The following HDDC2 variants were observed in gnomAD, a reference collection of about 807,000 sequenced individuals.
HDDC2 encodes the protein 5'-deoxynucleotidase HDDC2.
HDDC2 carries 25 observed loss-of-function variants against 25.5 expected under a neutral mutation model. The ratio of observed to expected loss-of-function variants is 0.98; its 90% CI spans 0.72 to 1.37. The LOEUF (loss-of-function observed/expected upper bound fraction) is 1.37, where lower values mean the gene tolerates loss of function less well. Among genes scored for constraint, HDDC2 ranks in the 40% most tolerant of loss-of-function variants. The probability of loss-of-function intolerance (pLI) is 0.00; values close to 1 mark genes in which losing one functional copy is unlikely to be tolerated. For missense variants in HDDC2, 264 were observed against 253.1 expected (o/e 1.04, Z -0.29); for synonymous variants, 106 against 89.7 (o/e 1.18, Z -1.03).
chr6:125,292,368 T>C (rs1161013698), intron 4 of HDDC2, among the ~76,000 whole-genome samples: 1 of 152,034 alleles, frequency 6.6e-6, no homozygotes, highest in Non-Finnish European at 1.5e-5. Flanking sequence ...TGAGCACTGG[T>C]AGAGCCCTGT....
intron 4 of HDDC2, among the ~76,000 whole-genome samples, chr6:125,289,510 C>CAAAAAAAAAAAAAAA (rs1325871427): frequency 7.7e-6 from 1 of 129,372 alleles, no homozygotes; most frequent in African/African-American, 3.4e-5. Flanking sequence ...AAAAACAAAA[C>CAAAAAAAAAAAAAAA]AAAACAAAAA....
chr6:125,292,770 C>A lies in HDDC2; in HGVS notation c.378+71G>T. 3.5e-6 allele frequency: 4 copies of A among 1,157,098 alleles called. No homozygotes were observed. The East Asian group carries it at 7.0e-5, about 20-fold the overall frequency. 71.7% of individuals were successfully genotyped at this position (1,157,098 alleles called of 1,614,324 possible). ...GACCGCTTGTTAAGATCATCTAAGT[C>A]AAGTACAACATCAGGGAGCCATATA... On this transcript the variant is annotated intron_variant, in intron 4 of 5. Transcript: ENST00000398153.
intron 3 of HDDC2, among the ~76,000 whole-genome samples, chr6:125,293,989 C>T (rs938432835): frequency 6.6e-6 from 1 of 152,148 alleles, no homozygotes; most frequent in Non-Finnish European, 1.5e-5. Context: ...TCTCAAAGAT[C>T]CCAGGAGCTA....
rs1314393753 is a variant in HDDC2 at position 125,301,721 on chromosome 6, C to T, written c.84+128G>A. Reference sequence around the variant, plus strand: ...CGCATCCGCAGGACTGGGGCCTTTCCGGAATTCGGCGTGGCGGACGCGGCG... The same window carrying T: ...CGCATCCGCAGGACTGGGGCCTTTCTGGAATTCGGCGTGGCGGACGCGGCG... On this transcript the variant is annotated intron_variant, in intron 1 of 5. Coordinates refer to ENST00000398153, the MANE Select transcript of HDDC2 (RefSeq NM_016063.3). 16 of 655,956 alleles carry T rather than the reference C, an allele frequency of 2.4e-5. No individual in the cohort carries two copies. The South Asian group carries it at 3.1e-4, about 13-fold the overall frequency. The allele number at this position is 655,956 out of a possible 1,614,324, so 40.6% of individuals were successfully genotyped here.
At chr6:125,299,749 G>A (rs1372706191) in intron 2 of HDDC2, among the ~76,000 whole-genome samples, 1 of 152,160 alleles carries the variant, frequency 6.6e-6, no homozygotes, top group African/African-American at 2.4e-5. Flanking sequence ...GGACTCCTCA[G>A]GCTTCCCAAA....
At position 125,275,957 on chromosome 6, in the gene HDDC2, C is replaced by T. The variant is rs73772417; in HGVS notation, c.*189G>A. ...CTCCAGTGTTCATCCATGGCACTTTCATGACCGCTTCCTGTTCTGTGGCTT... is the reference window on the plus strand; with the variant it reads ...CTCCAGTGTTCATCCATGGCACTTTTATGACCGCTTCCTGTTCTGTGGCTT... On this transcript the variant is annotated 3_prime_UTR_variant, in exon 6 of 6. Coordinates refer to ENST00000398153, the MANE Select transcript of HDDC2 (RefSeq NM_016063.3). 3,965 of 581,594 alleles carry T rather than the reference C, an allele frequency of 6.8e-3. 116 individuals are homozygous for T. The highest frequency in any genetic ancestry group is 0.067 in the African/African-American group (3,552 of 53,188). The allele number at this position is 581,594 out of a possible 1,614,324, so 36.0% of individuals were successfully genotyped here.
chr6:125,294,859 C>G (rs1329533686), intron 3 of HDDC2, among the ~76,000 whole-genome samples: 1 of 152,184 alleles, frequency 6.6e-6, no homozygotes, highest in Non-Finnish European at 1.5e-5. Flanking sequence ...CATCCAATTA[C>G]TAAGTTATTA....
rs764993685 is a variant in HDDC2, at chr6:125,276,170, T to G, written c.591A>C (p.Ala197=). 2 of 1,613,642 alleles carry G rather than the reference T, an allele frequency of 1.2e-6. No homozygotes were observed. Among genetic ancestry groups the G allele is most frequent in the African/African-American group, 2.7e-5 (2 of 74,912 alleles). Reference sequence around the variant, plus strand: ...CTCAGGAGTGTGGCTCACTGGCAGCTGCAGCTATGTTAGTGCTTCTTTCTG... The same window carrying G: ...CTCAGGAGTGTGGCTCACTGGCAGCGGCAGCTATGTTAGTGCTTCTTTCTG... ...LEAERSTNIA[A]AASEPHS Residue 197 remains alanine, a synonymous_variant, in exon 6 of 6, where the codon GCA becomes GCC. Coordinates refer to ENST00000398153, the MANE Select transcript of HDDC2 (RefSeq NM_016063.3).
chr6:125,280,936 G>A (rs1359911745), intron 4 of HDDC2, among the ~76,000 whole-genome samples: 3 of 152,244 alleles, frequency 2.0e-5, no homozygotes, highest in Non-Finnish European at 2.9e-5. Flanking sequence ...GGGGTCGACA[G>A]ACATCTCATA....
At chr6:125,298,452 A>G (rs936034517) in intron 3 of HDDC2, among the ~76,000 whole-genome samples, 1 of 152,172 alleles carries the variant, frequency 6.6e-6, no homozygotes, top group Non-Finnish European at 1.5e-5. Flanking sequence ...ACCTTCCTTC[A>G]CATGTTTACC....
At chr6:125,280,047 T>A (rs1798433819) in intron 4 of HDDC2, among the ~76,000 whole-genome samples, 1 of 152,168 alleles carries the variant, frequency 6.6e-6, no homozygotes, top group African/African-American at 2.4e-5. Context: ...ATCCGGTTCA[T>A]CTCACTGGGA....
intron 2 of HDDC2, among the ~76,000 whole-genome samples, chr6:125,299,127 G>A (rs1310847265): frequency 6.6e-6 from 1 of 152,194 alleles, no homozygotes; most frequent in African/African-American, 2.4e-5. Flanking sequence ...GCTCACGCCT[G>A]TCATACCAGC....
chr6:125,281,902 A>G (rs1037637654), intron 4 of HDDC2, among the ~76,000 whole-genome samples: 2 of 152,194 alleles, frequency 1.3e-5, no homozygotes, highest in African/African-American at 4.8e-5. Flanking sequence ...TAATCAGCAG[A>G]TTCACCAAGG....
At chr6:125,281,388 G>A (rs1427922920) in intron 4 of HDDC2, among the ~76,000 whole-genome samples, 2 of 152,156 alleles carry the variant, frequency 1.3e-5, no homozygotes, top group Non-Finnish European at 1.5e-5. Flanking sequence ...GGATTCAGAA[G>A]GTGGGTAACA....
At chr6:125,297,848 TG>T (rs1798727662) in intron 3 of HDDC2, among the ~76,000 whole-genome samples, 1 of 152,240 alleles carries the variant, frequency 6.6e-6, no homozygotes, top group Non-Finnish European at 1.5e-5. Context: ...CCCTGGGCTT[TG>T]GGTTTAGAGT....
At chr6:125,286,666 T>C (rs1375745136) in intron 4 of HDDC2, among the ~76,000 whole-genome samples, 1 of 152,178 alleles carries the variant, frequency 6.6e-6, no homozygotes, top group Non-Finnish European at 1.5e-5. Flanking sequence ...CATTATGTGG[T>C]CTTGGAATAC....
At chr6:125,300,287 C>T in intron 2 of HDDC2, 1 of 446,570 alleles carries the variant, frequency 2.2e-6, no homozygotes. Flanking sequence ...CTTCAAGGCC[C>T]CAATATCACA....
chr6:125,276,829 C>T (rs1228475583), intron 5 of HDDC2: 2 of 446,262 alleles, frequency 4.5e-6, no homozygotes, highest in Non-Finnish European at 8.0e-6. Flanking sequence ...TGACGGCTAG[C>T]ATGGGGGACT....
chr6:125,299,822 T>A (rs1377552406), intron 2 of HDDC2, among the ~76,000 whole-genome samples: 1 of 152,220 alleles, frequency 6.6e-6, no homozygotes, highest in Non-Finnish European at 1.5e-5. Flanking sequence ...TTTACTTTCC[T>A]ACACTCAGGG....
Sources: allele counts gnomAD v4.1 joint callset (sites outside exome capture counted in the v4.1 genomes callset), GRCh38; gene constraint gnomAD v4.1.1; transcripts MANE v1.5; gene names NCBI Gene and HGNC (gene_info 2026-07-23, HGNC 2026-07-21).